GPC5: variants seen among roughly 807,000 people sequenced by gnomAD.
GPC5 encodes glypican-5.
Under a neutral mutation model 53.9 loss-of-function variants are expected in GPC5, and 47 were observed. That is an observed-to-expected ratio of 0.87 (90% CI 0.69 to 1.11). The LOEUF (loss-of-function observed/expected upper bound fraction) is 1.11. GPC5 is among the 50% of genes most tolerant of loss of function. The probability of loss-of-function intolerance (pLI) is 0.00; values close to 1 mark genes in which losing one functional copy is unlikely to be tolerated. For synonymous variants in GPC5, 286 were observed against 263.3 expected (o/e 1.09, Z -0.84); for missense variants, 748 against 713.1 (o/e 1.05, Z -0.56).
intron 7 of GPC5, among the ~76,000 whole-genome samples, chr13:92,261,861 A>G (rs1486593724): frequency 2.6e-5 from 4 of 152,196 alleles, no homozygotes; most frequent in South Asian, 2.1e-4. Flanking sequence ...TGCATAAAAC[A>G]TAGGATAAAA....
intron 4 of GPC5, among the ~76,000 whole-genome samples, chr13:91,741,215 GTTTT>G (rs1042216961): frequency 6.6e-6 from 1 of 152,028 alleles, no homozygotes; most frequent in African/African-American, 2.4e-5. Flanking sequence ...TAAATTTTGA[GTTTT>G]TTTCAATTTT....
intron 2 of GPC5, among the ~76,000 whole-genome samples, chr13:91,455,359 A>G (rs1057199525): frequency 6.6e-6 from 1 of 152,122 alleles, no homozygotes; most frequent in African/African-American, 2.4e-5. Context: ...CATTTTTCCT[A>G]ACACTTAAGT....
intron 7 of GPC5, among the ~76,000 whole-genome samples, chr13:92,175,396 T>C (rs2042102503): frequency 6.6e-6 from 1 of 152,214 alleles, no homozygotes; most frequent in Non-Finnish European, 1.5e-5. Flanking sequence ...TTTGCTTCTT[T>C]TCTGATTCTA....
intron 5 of GPC5, among the ~76,000 whole-genome samples, chr13:91,793,687 G>A (rs1458889634): frequency 2.6e-5 from 4 of 152,104 alleles, no homozygotes; most frequent in Admixed American, 2.0e-4. Context: ...TCACAGTTCT[G>A]CATGACTGGG....
intron 7 of GPC5, among the ~76,000 whole-genome samples, chr13:92,342,954 C>G (rs2043379770): frequency 6.6e-6 from 1 of 152,050 alleles, no homozygotes; most frequent in Non-Finnish European, 1.5e-5. Context: ...TATATTAGGA[C>G]ATTATTCAGT....
chr13:91,824,022 C>G (rs527848962), intron 5 of GPC5, among the ~76,000 whole-genome samples: 1 of 151,886 alleles, frequency 6.6e-6, no homozygotes, highest in Non-Finnish European at 1.5e-5. Context: ...AAATCATGGG[C>G]CAGTACAGAA....
chr13:92,047,980 G>T (rs1266038474), intron 6 of GPC5, among the ~76,000 whole-genome samples: 1 of 151,484 alleles, frequency 6.6e-6, no homozygotes, highest in Non-Finnish European at 1.5e-5. Context: ...AACAGAGCAA[G>T]ACTCCATCTC....
chr13:91,799,737 C>T (rs2138771844), intron 5 of GPC5, among the ~76,000 whole-genome samples: 1 of 152,192 alleles, frequency 6.6e-6, no homozygotes, highest in Admixed American at 6.5e-5. Context: ...TTGTTGAATA[C>T]ATTTATTAAA....
At chr13:92,047,255 G>T (rs532392956) in intron 6 of GPC5, among the ~76,000 whole-genome samples, 1 of 151,980 alleles carries the variant, frequency 6.6e-6, no homozygotes, top group African/African-American at 2.4e-5. Context: ...AAAATAGATT[G>T]CAAAAACAAC....
rs540832693 is a variant in GPC5, at chr13:91,663,760, A to G, written c.326-29427A>G. ...ATTACAGGCATTAGTCATAGCTTCC[A>G]GCCCTATTTTGTTTCAAATAATGAA... On this transcript the variant is annotated intron_variant, in intron 2 of 7. Transcript: ENST00000377067. 6.7e-4 allele frequency among the ~76,000 whole-genome samples: 102 copies of G among 152,284 alleles called. 1 individual carries two copies. The Middle Eastern group carries it at 0.017, about 25-fold the overall frequency.
At chr13:92,109,529 T>C (rs1282707638) in intron 6 of GPC5, among the ~76,000 whole-genome samples, 1 of 152,164 alleles carries the variant, frequency 6.6e-6, no homozygotes, top group Non-Finnish European at 1.5e-5. Context: ...CTAAAATTCT[T>C]TTTGATGAAA....
chr13:91,974,703 T>C (rs1046756082), intron 6 of GPC5, among the ~76,000 whole-genome samples: 3 of 152,144 alleles, frequency 2.0e-5, no homozygotes, highest in Admixed American at 6.5e-5. Flanking sequence ...CCCAAGGTAA[T>C]TTATAGATTC....
intron 7 of GPC5, among the ~76,000 whole-genome samples, chr13:92,333,119 G>A (rs1046373288): frequency 6.6e-6 from 1 of 152,104 alleles, no homozygotes; most frequent in South Asian, 2.1e-4. Flanking sequence ...TTGATAAATT[G>A]GTGGGGGCAC....
intron 7 of GPC5, among the ~76,000 whole-genome samples, chr13:92,415,266 C>G (rs1328292667): frequency 6.6e-6 from 1 of 152,136 alleles, no homozygotes; most frequent in Non-Finnish European, 1.5e-5. Context: ...TAGTGCAACA[C>G]TCCAGAGAGT....
intron 7 of GPC5, among the ~76,000 whole-genome samples, chr13:92,606,681 C>T (rs573836431): frequency 1.1e-4 from 17 of 152,094 alleles, no homozygotes; most frequent in African/African-American, 3.6e-4. Flanking sequence ...ATCTGGTGTC[C>T]ACATCCTACA....
At chr13:92,504,210 A>C (rs1158619152) in intron 7 of GPC5, among the ~76,000 whole-genome samples, 1 of 151,986 alleles carries the variant, frequency 6.6e-6, no homozygotes, top group East Asian at 1.9e-4. Flanking sequence ...AATGAACTAC[A>C]TTTCTCTATA....
chr13:91,550,557 C>T (rs1025523375), intron 2 of GPC5, among the ~76,000 whole-genome samples: 3 of 152,228 alleles, frequency 2.0e-5, no homozygotes, highest in Middle Eastern at 3.4e-3. Context: ...GATACATTTA[C>T]TCATTAATTG....
chr13:91,943,956 C>T (rs550283618), intron 6 of GPC5, among the ~76,000 whole-genome samples: 4 of 151,966 alleles, frequency 2.6e-5, no homozygotes, highest in African/African-American at 7.3e-5. Context: ...GATTACAACT[C>T]AAAATATGAA....
chr13:91,469,572 A>G (rs1156292650), intron 2 of GPC5, among the ~76,000 whole-genome samples: 2 of 152,078 alleles, frequency 1.3e-5, no homozygotes, highest in Non-Finnish European at 2.9e-5. Flanking sequence ...GGTCAATCAT[A>G]TAAGTTTCAA....
Sources: allele counts gnomAD v4.1 joint callset (sites outside exome capture counted in the v4.1 genomes callset), GRCh38; gene constraint gnomAD v4.1.1; transcripts MANE v1.5; gene names NCBI Gene and HGNC (gene_info 2026-07-23, HGNC 2026-07-21).